The following IFFO2 variants were observed in gnomAD, a reference collection of about 807,000 sequenced individuals.
IFFO2 encodes the protein intermediate filament family orphan 2.
A neutral mutation model predicts 53.5 loss-of-function variants in IFFO2; 19 were observed. The ratio of observed to expected loss-of-function variants is 0.36; its 90% CI spans 0.25 to 0.52. The LOEUF is 0.52. IFFO2 is among the 20% of genes least tolerant of loss of function. IFFO2 has a pLI of 0.94. For synonymous variants in IFFO2, 303 were observed against 313.6 expected (o/e 0.97, Z 0.36); for missense variants, 570 against 727.4 (o/e 0.78, Z 2.49).
At position 18,918,286 on chromosome 1, in the gene IFFO2, G is replaced by A; in HGVS notation, c.963+76C>T. ...AGTGGGATGTGGAGGCAAACGGGTT[G>A]GCCGGGCAGGGGTGGAGGCCAGGGC... On this transcript the variant is annotated intron_variant, in intron 4 of 8. Transcript: ENST00000455833. This position sits in a 1 kb window ranked among gnomAD's most constrained non-coding sequence, Gnocchi z 5.2. 6.9e-7 allele frequency: 1 copy of A among 1,445,902 alleles called. No homozygotes were observed. Among genetic ancestry groups the A allele is most frequent in the Non-Finnish European group, 9.4e-7 (1 of 1,060,824 alleles). 89.6% of individuals were successfully genotyped at this position (1,445,902 alleles called of 1,614,324 possible).
intron 1 of IFFO2, among the ~76,000 whole-genome samples, chr1:18,927,419 G>A (rs1350091981): frequency 6.6e-6 from 1 of 152,250 alleles, no homozygotes; most frequent in Non-Finnish European, 1.5e-5. Context: ...GGGGCAGAGA[G>A]CAGCTTCCTT....
Position 18,908,573 on chromosome 1 carries a change from G to T in IFFO2, c.1542C>A (p.Pro514=). The T allele has an allele frequency of 6.4e-7, 1 of 1,551,186 alleles. No individual in the cohort carries two copies. ...AGGGCCTCAGTCATCAGCTGACCATGGGCTCCACATCCGCCTCGCGCTCGA... is the reference window on the plus strand; with the variant it reads ...AGGGCCTCAGTCATCAGCTGACCATTGGCTCCACATCCGCCTCGCGCTCGA... ...DEFEREADVE[P]MVS is the part of the protein sequence containing the mutation. The change falls in exon 9 of 9, where the codon CCC becomes CCA. Residue 514 remains proline, a synonymous_variant. Coordinates refer to ENST00000455833, the MANE Select transcript of IFFO2 (RefSeq NM_001136265.2).
chr1:18,952,624 T>G (rs7538579), intron 1 of IFFO2, among the ~76,000 whole-genome samples: 2 of 152,098 alleles, frequency 1.3e-5, no homozygotes, highest in Non-Finnish European at 2.9e-5. Context: ...AGAGTGTATG[T>G]TTCTATTTCT....
chr1:18,919,305 A>G lies in IFFO2; in HGVS notation c.822+373T>C, dbSNP rs376298146. On this transcript the variant is annotated intron_variant, in intron 3 of 8. Coordinates refer to ENST00000455833, the MANE Select transcript of IFFO2 (RefSeq NM_001136265.2). This position sits in a 1 kb window ranked among gnomAD's most constrained non-coding sequence, Gnocchi z 4.9. ...CGAGTCTCTCAGGCCCGCACAGACC[A>G]GACGGCACCTGGCCCAACCTGCCAG... Among the ~76,000 whole-genome samples, 1 of 152,176 alleles carries G rather than the reference A, an allele frequency of 6.6e-6. No individual in the cohort carries two copies.
rs1364132738 is a variant in IFFO2 at position 18,926,005 on chromosome 1, TTGGATGGA to T, written c.666-4892_666-4885del. Among the ~76,000 whole-genome samples the T allele has an allele frequency of 6.2e-3, 145 of 23,486 alleles. 2 individuals are homozygous for T. The highest frequency in any genetic ancestry group is 0.013 in the South Asian group (9 of 696). 15.4% of individuals were successfully genotyped at this position (23,486 alleles called of 152,430 possible). A position where few individuals can be genotyped will look rare whatever the true frequency, so the allele number is the denominator to read the frequency against. ...ATGGATGGATGGATGGATGGATTGG[TTGGATGGA>T]TGGATGGATGGATGGATGGATGGAT... On this transcript the variant is annotated intron_variant, in intron 1 of 8. Coordinates refer to ENST00000455833, the MANE Select transcript of IFFO2 (RefSeq NM_001136265.2).
At chr1:18,923,739 C>T (rs893767536) in intron 1 of IFFO2, among the ~76,000 whole-genome samples, 1 of 152,166 alleles carries the variant, frequency 6.6e-6, no homozygotes. Context: ...ATGTGCATAC[C>T]AATCACCTGG....
intron 1 of IFFO2, among the ~76,000 whole-genome samples, chr1:18,929,910 AC>A: frequency 6.6e-6 from 1 of 152,206 alleles, no homozygotes; most frequent in Non-Finnish European, 1.5e-5. Context: ...AAGCCAGAAA[AC>A]AACTGCCATG....
chr1:18,944,706 A>G (rs1053573076), intron 1 of IFFO2, among the ~76,000 whole-genome samples: 25 of 152,290 alleles, frequency 1.6e-4, no homozygotes, highest in African/African-American at 5.8e-4. Context: ...ACACACGTAC[A>G]TACATGCACA....
intron 1 of IFFO2, among the ~76,000 whole-genome samples, chr1:18,935,599 T>C (rs188554842): frequency 1.3e-5 from 2 of 152,242 alleles, no homozygotes; most frequent in East Asian, 3.9e-4. Context: ...AGTGCCACTA[T>C]TCTGTACTAC....
At chr1:18,945,093 T>A (rs2148188409) in intron 1 of IFFO2, among the ~76,000 whole-genome samples, 1 of 152,182 alleles carries the variant, frequency 6.6e-6, no homozygotes, top group African/African-American at 2.4e-5. Flanking sequence ...TGGAACACCC[T>A]CTCTCCTTCT....
chr1:18,945,465 C>A (rs1380667107), intron 1 of IFFO2, among the ~76,000 whole-genome samples: 3 of 152,218 alleles, frequency 2.0e-5, no homozygotes, highest in Non-Finnish European at 4.4e-5. Context: ...CTTCCCCTCC[C>A]CCAAGACAGC....
At position 18,949,978 on chromosome 1, in the gene IFFO2, A is replaced by G. The variant is rs555670063; in HGVS notation, c.665+5690T>C. Among the ~76,000 whole-genome samples the G allele has an allele frequency of 2.9e-3, 440 of 152,316 alleles. 3 individuals carry two copies. The highest frequency in any genetic ancestry group is 5.7e-3 in the Admixed American group (87 of 15,300). On this transcript the variant is annotated intron_variant, in intron 1 of 8. Transcript: ENST00000455833. ...ACCTCATTCCCCTCCCTCTAGCTTG[A>G]GGCTCTGAGAATCGCTCCCAAATTT... is the stretch of plus-strand genomic sequence containing the variant.
intron 1 of IFFO2, among the ~76,000 whole-genome samples, chr1:18,950,647 GAA>G (rs1367688223): frequency 6.6e-6 from 1 of 152,206 alleles, no homozygotes; most frequent in East Asian, 1.9e-4. Flanking sequence ...CAGAAATAAC[GAA>G]AGTGTCAATG....
At chr1:18,909,575 G>A (rs1936003077) in intron 8 of IFFO2, among the ~76,000 whole-genome samples, 1 of 152,174 alleles carries the variant, frequency 6.6e-6, no homozygotes, top group South Asian at 2.1e-4. Flanking sequence ...TCTTGTGATA[G>A]GGAGTTAGTT....
intron 1 of IFFO2, among the ~76,000 whole-genome samples, chr1:18,922,944 C>T (rs557743772): frequency 6.6e-6 from 1 of 152,090 alleles, no homozygotes; most frequent in African/African-American, 2.4e-5. Context: ...CCCAGGCCAC[C>T]CCATCCCTGC....
In IFFO2 at chr1:18,917,270, C is replaced by T. The variant is rs886343160; in HGVS notation, c.964-228G>A. Among the ~76,000 whole-genome samples, 11 of 152,200 alleles carry T rather than the reference C, an allele frequency of 7.2e-5. 1 individual carries two copies. Among genetic ancestry groups the T allele is most frequent in the African/African-American group, 2.7e-4 (11 of 41,442 alleles). ...GGCCTGGACTCTTCCCTGCCCTGGG[C>T]GGCCTGGTGGGTGCGCCGGCTCGGC... On this transcript the variant is annotated intron_variant, in intron 4 of 8. Transcript: ENST00000455833. This position sits in a 1 kb window ranked among gnomAD's most constrained non-coding sequence, Gnocchi z 5.9.
intron 1 of IFFO2, among the ~76,000 whole-genome samples, chr1:18,952,033 G>A (rs901355397): frequency 2.6e-5 from 4 of 152,198 alleles, no homozygotes; most frequent in Non-Finnish European, 5.9e-5. Context: ...AGGTCACACA[G>A]CACCTAGTGG....
chr1:18,949,826 C>T (rs1203534027), intron 1 of IFFO2, among the ~76,000 whole-genome samples: 4 of 152,168 alleles, frequency 2.6e-5, no homozygotes, highest in African/African-American at 9.7e-5. Context: ...TGTGCATACA[C>T]GTGGGGGGAA....
chr1:18,916,876 G>C lies in IFFO2; in HGVS notation c.1103+27C>G, dbSNP rs771698707. 6.4e-7 allele frequency: 1 copy of C among 1,550,622 alleles called. No individual in the cohort carries two copies. The highest frequency in any genetic ancestry group is 8.7e-7 in the Non-Finnish European group (1 of 1,146,234). ...TGTGCAAGCAATCCGGGGAAACGGA[G>C]AGTGTGCGGGCCACGGGGATACTCA... On this transcript the variant is annotated intron_variant, in intron 5 of 8. Transcript: ENST00000455833. The surrounding 1 kb of genome is among the most constrained non-coding windows in gnomAD (Gnocchi z 4.3).
Sources: allele counts gnomAD v4.1 joint callset (sites outside exome capture counted in the v4.1 genomes callset), GRCh38; gene constraint gnomAD v4.1.1; non-coding constraint Gnocchi (gnomAD v3.1); transcripts MANE v1.5; gene names NCBI Gene and HGNC (gene_info 2026-07-23, HGNC 2026-07-21).